XK: variants seen among roughly 807,000 people sequenced by gnomAD.
XK encodes the protein X-linked Kx blood group antigen, Kell and VPS13A binding protein, also known as endoplasmic reticulum membrane adapter protein XK.
XK carries 2 observed loss-of-function variants against 14.0 expected under a neutral mutation model. That is an observed-to-expected ratio of 0.14 (90% CI 0.06 to 0.45). The LOEUF (loss-of-function observed/expected upper bound fraction) is 0.45. Ranked by LOEUF, XK falls within the 20% of genes least tolerant of loss-of-function variation. The pLI, the probability that XK is intolerant of heterozygous loss-of-function variation, is 0.98. For missense variants in XK, 235 were observed against 341.5 expected (o/e 0.69, Z 2.46); for synonymous variants, 149 against 147.5 (o/e 1.01, Z -0.08).
Position 37,731,146 on chromosome X carries a change from C to A in XK, c.*2684C>A, listed in dbSNP as rs190486991. On this transcript the variant is annotated 3_prime_UTR_variant, in exon 3 of 3. Transcript: ENST00000378616. Reference sequence around the variant, plus strand: ...GCTAGGTTGTCCTATTGGCATAAAACAAACCAGCAACTTTTCTCATGTGTT... The same window carrying A: ...GCTAGGTTGTCCTATTGGCATAAAAAAAACCAGCAACTTTTCTCATGTGTT... 4 of 112,260 alleles carry A rather than the reference C, an allele frequency of 3.6e-5. No homozygotes were observed. The East Asian group carries it at 1.1e-3, about 31-fold the overall frequency. The allele number at this position is 112,260 out of a possible 1,213,427, so 9.3% of individuals were successfully genotyped here.
In XK at chrX:37,713,403, A is replaced by G. The variant is rs148754129; in HGVS notation, c.509-14233A>G. 2.4e-3 allele frequency among the ~76,000 whole-genome samples: 272 copies of G among 111,532 alleles called. 1 individual carries two copies. The highest frequency in any genetic ancestry group is 8.5e-3 in the African/African-American group (260 of 30,687). On this transcript the variant is annotated intron_variant, in intron 2 of 2. Coordinates refer to ENST00000378616, the MANE Select transcript of XK (RefSeq NM_021083.4). The stretch of plus-strand genomic sequence containing the variant: ...TGGAAACCAGAATCATTTTTGCTTG[A>G]TCCTATTAGGAGTCACATGATCTCA...
intron 2 of XK, among the ~76,000 whole-genome samples, chrX:37,716,035 A>G (rs1427313508): frequency 9.0e-6 from 1 of 111,715 alleles, no homozygotes; most frequent in Non-Finnish European, 1.9e-5. Context: ...TATGCCTCCT[A>G]CCCACCTCCA....
At chrX:37,694,970 G>A (rs1449037505) in intron 2 of XK, among the ~76,000 whole-genome samples, 1 of 112,158 alleles carries the variant, frequency 8.9e-6, no homozygotes, top group Admixed American at 9.4e-5. Flanking sequence ...GTTCTAAGAA[G>A]GAGGGAAGGC....
At position 37,729,581 on chromosome X, in the gene XK, A is replaced by G. The variant is rs1928047570; in HGVS notation, c.*1119A>G. 1 of 111,456 alleles carries G rather than the reference A, an allele frequency of 9.0e-6. No homozygotes were observed. The highest frequency in any genetic ancestry group is 3.3e-5 in the African/African-American group (1 of 30,648). 9.2% of individuals were successfully genotyped at this position (111,456 alleles called of 1,213,427 possible). A position where few individuals can be genotyped will look rare whatever the true frequency, so the allele number is the denominator to read the frequency against. On this transcript the variant is annotated 3_prime_UTR_variant, in exon 3 of 3. Coordinates refer to ENST00000378616, the MANE Select transcript of XK (RefSeq NM_021083.4). ...CTGACACCCTTTAATGTTCTATATAATTTTTCCTTTAATCGGAGACCCTAT... is the reference window on the plus strand; with the variant it reads ...CTGACACCCTTTAATGTTCTATATAGTTTTTCCTTTAATCGGAGACCCTAT...
intron 2 of XK, among the ~76,000 whole-genome samples, chrX:37,703,111 C>G (rs1556444200): frequency 8.9e-6 from 1 of 112,151 alleles, no homozygotes; most frequent in Non-Finnish European, 1.9e-5. Flanking sequence ...TTTCATTGTA[C>G]CAGTCCTCAA....
At chrX:37,696,599 G>A (rs1432745612) in intron 2 of XK, among the ~76,000 whole-genome samples, 2 of 112,766 alleles carry the variant, frequency 1.8e-5, no homozygotes, top group African/African-American at 3.2e-5. Flanking sequence ...CTTATGAATG[G>A]AGCATGGTCT....
intron 2 of XK, among the ~76,000 whole-genome samples, chrX:37,721,591 GACTAATGGT>G (rs1927873302): frequency 9.0e-6 from 1 of 111,562 alleles, no homozygotes; most frequent in African/African-American, 3.2e-5. Context: ...AATCCTCATA[GACTAATGGT>G]TGAAATATGA....
intron 1 of XK, among the ~76,000 whole-genome samples, chrX:37,686,444 C>G (rs1196181292): frequency 8.9e-6 from 1 of 112,123 alleles, no homozygotes; most frequent in African/African-American, 3.2e-5. Flanking sequence ...AATGAAATAG[C>G]CAACATTCAA....
intron 2 of XK, among the ~76,000 whole-genome samples, chrX:37,701,315 T>C (rs1355168548): frequency 1.8e-5 from 2 of 112,813 alleles, no homozygotes; most frequent in African/African-American, 6.4e-5. Flanking sequence ...TGTAATTCTG[T>C]CTTGAGTGAT....
At chrX:37,694,139 C>T in intron 1 of XK, 147 bp from the exon 2 acceptor site, 1 of 743,586 alleles carries the variant, frequency 1.3e-6, no homozygotes, top group Middle Eastern at 4.5e-4. Context: ...AGAACTGGTC[C>T]TTGGAGTAGT....
chrX:37,709,690 G>A (rs956581474), intron 2 of XK, among the ~76,000 whole-genome samples: 20 of 111,925 alleles, frequency 1.8e-4, no homozygotes, highest in Non-Finnish European at 3.0e-4. Flanking sequence ...TACAATTTCC[G>A]TATTTTAGGA....
chrX:37,702,177 T>C lies in XK; in HGVS notation c.508+7629T>C, dbSNP rs782067803. Among the ~76,000 whole-genome samples the C allele has an allele frequency of 6.3e-5, 7 of 111,652 alleles. No homozygotes were observed. The South Asian group carries it at 2.3e-3, about 36-fold the overall frequency. ...CTGAAGCTGCTGGAGAGAGGCCTGC[T>C]TGCAGCTCAAATGCACAGAAGAGGA... On this transcript the variant is annotated intron_variant, in intron 2 of 2. Coordinates refer to ENST00000378616, the MANE Select transcript of XK (RefSeq NM_021083.4).
chrX:37,703,034 T>C (rs782322356), intron 2 of XK, among the ~76,000 whole-genome samples: 1 of 112,390 alleles, frequency 8.9e-6, no homozygotes, highest in African/African-American at 3.2e-5. Flanking sequence ...CTAAATCAGA[T>C]GCTATACAGA....
At chrX:37,723,746 T>C (rs1311542563) in intron 2 of XK, among the ~76,000 whole-genome samples, 1 of 111,476 alleles carries the variant, frequency 9.0e-6, no homozygotes, top group Non-Finnish European at 1.9e-5. Context: ...CCTTAGATTG[T>C]AATAATTTAT....
At chrX:37,725,558 T>C (rs1887840379) in intron 2 of XK, among the ~76,000 whole-genome samples, 1 of 111,106 alleles carries the variant, frequency 9.0e-6, no homozygotes, top group Non-Finnish European at 1.9e-5. Context: ...TTACACATGC[T>C]CTTACCCTGC....
intron 2 of XK, among the ~76,000 whole-genome samples, chrX:37,706,824 T>C (rs940939103): frequency 1.0e-3 from 110 of 107,998 alleles, no homozygotes; most frequent in Non-Finnish European, 1.7e-3. Flanking sequence ...GATTAGGGAG[T>C]GGTGATGACT....
chrX:37,721,356 A>G (rs782676026), intron 2 of XK, among the ~76,000 whole-genome samples: 1 of 111,217 alleles, frequency 9.0e-6, no homozygotes, highest in East Asian at 2.8e-4. Context: ...TGGGATACCT[A>G]TAGGACAATG....
chrX:37,699,276 A>G (rs1003451375), intron 2 of XK, among the ~76,000 whole-genome samples: 3 of 112,187 alleles, frequency 2.7e-5, no homozygotes, highest in Non-Finnish European at 5.6e-5. Flanking sequence ...AGTTCCTGAT[A>G]TGGACTGCTG....
At chrX:37,717,722 A>C (rs1569474980) in intron 2 of XK, among the ~76,000 whole-genome samples, 1 of 111,773 alleles carries the variant, frequency 8.9e-6, no homozygotes, top group East Asian at 2.8e-4. Context: ...GTATTGAAGG[A>C]AGAGTCCTCA....
Sources: gnomAD v4.1 joint callset for allele counts (sites outside exome capture counted in the v4.1 genomes callset) on GRCh38, gnomAD v4.1.1 for gene constraint, MANE v1.5 for transcripts, NCBI Gene and HGNC (gene_info 2026-07-23, HGNC 2026-07-21) for gene names.